The following ZNF141 variants were observed in gnomAD, a reference collection of about 807,000 sequenced individuals.
The protein encoded by ZNF141 is zinc finger protein 141, also known as zinc finger protein 141 (clone pHZ-44).
In ZNF141, 7 loss-of-function variants were observed where a neutral mutation model predicts 11.3. The observed-to-expected ratio is 0.62, with a 90% CI of 0.35 to 1.16. The LOEUF is 1.16. ZNF141 is among the 50% of genes most tolerant of loss of function. ZNF141 has a pLI of 0.02. For synonymous variants in ZNF141, 183 were observed against 190.7 expected (o/e 0.96, Z 0.33); for missense variants, 535 against 554.0 (o/e 0.97, Z 0.34).
At chr4:371,381 G>A (rs1396339263) in intron 3 of ZNF141, among the ~76,000 whole-genome samples, 7 of 150,146 alleles carry the variant, frequency 4.7e-5, no homozygotes, top group Admixed American at 4.6e-4. Context: ...ACAGGCATGG[G>A]CCACCATGCC....
Position 383,763 on chromosome 4 carries a change from G to C in ZNF141, c.*9901G>C, listed in dbSNP as rs1712768981. On this transcript the variant is annotated 3_prime_UTR_variant, in exon 4 of 4. Transcript: ENST00000240499. ...TGGCCGTGGGCCAAGCACAGGCCAT[G>C]CCTTCATCTGCATAGGGTACCAATT... 1 of 152,448 alleles carries C rather than the reference G, an allele frequency of 6.6e-6. No homozygotes were observed. Among genetic ancestry groups the C allele is most frequent in the Non-Finnish European group, 1.5e-5 (1 of 68,224 alleles). 9.4% of individuals were successfully genotyped at this position (152,448 alleles called of 1,614,324 possible).
intron 3 of ZNF141, among the ~76,000 whole-genome samples, chr4:347,145 C>T (rs1197276480): frequency 4.0e-5 from 6 of 149,422 alleles, no homozygotes; most frequent in Non-Finnish European, 5.9e-5. Flanking sequence ...TCAAGCAATT[C>T]TCCTGCCTCA....
rs1712550357 is a variant in ZNF141, at chr4:380,242, C to T, written c.*6380C>T. On this transcript the variant is annotated 3_prime_UTR_variant, in exon 4 of 4. Coordinates refer to ENST00000240499, the MANE Select transcript of ZNF141 (RefSeq NM_003441.4). ...ATACATTCATTTCTTGGTTGAAAAACTCACGTGATGAGAAGATATTTCTGT... is the reference window on the plus strand; with the variant it reads ...ATACATTCATTTCTTGGTTGAAAAATTCACGTGATGAGAAGATATTTCTGT... 6.6e-6 allele frequency among the ~76,000 whole-genome samples: 1 copy of T among 152,186 alleles called. No individual in the cohort carries two copies. Among genetic ancestry groups the T allele is most frequent in the African/African-American group, 2.4e-5 (1 of 41,444 alleles).
chr4:342,726 A>C, intron 1 of ZNF141: 1 of 1,197,282 alleles, frequency 8.4e-7, no homozygotes, highest in South Asian at 1.2e-5. Flanking sequence ...GATCCTGTCC[A>C]TTGTTCTGGG....
chr4:353,485 CAG>C (rs1553850811), intron 3 of ZNF141, among the ~76,000 whole-genome samples: 1 of 140,020 alleles, frequency 7.1e-6, no homozygotes, highest in African/African-American at 2.7e-5. Flanking sequence ...TTTTTGGAGA[CAG>C]AGTCTCACTC....
chr4:380,786 A>T lies in ZNF141; in HGVS notation c.*6924A>T, dbSNP rs1481995852. On this transcript the variant is annotated 3_prime_UTR_variant, in exon 4 of 4. Transcript: ENST00000240499. ...AACACAGGCAACTTTGACTCTAGAG[A>T]TAACACTTATTACAGTAAAATCCCT... 6.6e-6 allele frequency among the ~76,000 whole-genome samples: 1 copy of T among 152,214 alleles called. No homozygotes were observed. Among genetic ancestry groups the T allele is most frequent in the African/African-American group, 2.4e-5 (1 of 41,460 alleles).
Position 384,291 on chromosome 4 carries a change from C to G in ZNF141, c.*10429C>G, listed in dbSNP as rs1419364234. The G allele has an allele frequency of 2.0e-5, 3 of 152,192 alleles. No homozygotes were observed. The highest frequency in any genetic ancestry group is 7.2e-5 in the African/African-American group (3 of 41,432). 9.4% of individuals were successfully genotyped at this position (152,192 alleles called of 1,614,324 possible). On this transcript the variant is annotated 3_prime_UTR_variant, in exon 4 of 4. Coordinates refer to ENST00000240499, the MANE Select transcript of ZNF141 (RefSeq NM_003441.4). Reference sequence around the variant, plus strand: ...ACATGGTGCTCTCTCTTCCTGTGGACCCATCATTCCTTGTTTACCATCTGA... The same window carrying G: ...ACATGGTGCTCTCTCTTCCTGTGGAGCCATCATTCCTTGTTTACCATCTGA...
chr4:372,893 A>G lies in ZNF141; in HGVS notation c.456A>G (p.Lys152=), dbSNP rs782024328. 5.0e-6 allele frequency: 8 copies of G among 1,613,638 alleles called. No individual in the cohort carries two copies. In the South Asian group the frequency reaches 6.6e-5, roughly 13 times the overall value. Residue 152 remains lysine, a synonymous_variant, in exon 4 of 4, where the codon AAA becomes AAG. Transcript: ENST00000240499. Reference sequence around the variant, plus strand: ...TACTTCAGTGTAAAGCAAGTGTCAAAGTTGTTAGTAAATTTTCAAATTCAA... The same window carrying G: ...TACTTCAGTGTAAAGCAAGTGTCAAGGTTGTTAGTAAATTTTCAAATTCAA... ...SKILQCKASV[K]VVSKFSNSNK...
chr4:373,917 T>G lies in ZNF141; in HGVS notation c.*55T>G. The G allele has an allele frequency of 1.4e-6, 2 of 1,449,494 alleles. No individual in the cohort carries two copies. Among genetic ancestry groups the G allele is most frequent in the Non-Finnish European group, 9.4e-7 (1 of 1,064,424 alleles). The allele number at this position is 1,449,494 out of a possible 1,614,324, so 89.8% of individuals were successfully genotyped here. ...CAAACCTTTGGATGATCCACAAACC[T>G]TAATGAACATGAGAAAATTTATACT... On this transcript the variant is annotated 3_prime_UTR_variant, in exon 4 of 4. Coordinates refer to ENST00000240499, the MANE Select transcript of ZNF141 (RefSeq NM_003441.4).
chr4:337,851 G>C lies in ZNF141; in HGVS notation c.-133G>C. 1 of 1,240,928 alleles carries C rather than the reference G, an allele frequency of 8.1e-7. No individual in the cohort carries two copies. Among genetic ancestry groups the C allele is most frequent in the Non-Finnish European group, 1.2e-6 (1 of 858,136 alleles). 76.9% of individuals were successfully genotyped at this position (1,240,928 alleles called of 1,614,324 possible). On this transcript the variant is annotated 5_prime_UTR_variant, in exon 1 of 4. Coordinates refer to ENST00000240499, the MANE Select transcript of ZNF141 (RefSeq NM_003441.4). Reference sequence around the variant, plus strand: ...GGCTACTACCAGACCGCGGGTTAGGGGCTTCATCTCTCTGCGTTCTCAGTT... The same window carrying C: ...GGCTACTACCAGACCGCGGGTTAGGCGCTTCATCTCTCTGCGTTCTCAGTT...
In ZNF141 at chr4:373,746, C is replaced by T. The variant is rs1553854117; in HGVS notation, c.1309C>T (p.Leu437Phe). Reference sequence around the variant, plus strand: ...TGACAAAGCCTTTAAACAATTTTCGCTCCTGAGTCAACATAAGAAAATTCA... The same window carrying T: ...TGACAAAGCCTTTAAACAATTTTCGTTCCTGAGTCAACATAAGAAAATTCA... ...ECDKAFKQFS[L>F]LSQHKKIHTV... The change falls in exon 4 of 4, where the codon CTC (leucine) becomes TTC (phenylalanine). Residue 437 changes from leucine to phenylalanine, a missense_variant. Coordinates refer to ENST00000240499, the MANE Select transcript of ZNF141 (RefSeq NM_003441.4). 5.6e-6 allele frequency: 9 copies of T among 1,614,040 alleles called. No homozygotes were observed. Among genetic ancestry groups the T allele is most frequent in the East Asian group, 2.2e-5 (1 of 44,872 alleles).
chr4:354,052 C>CTTTCT (rs549849458), intron 3 of ZNF141, among the ~76,000 whole-genome samples: 42 of 152,270 alleles, frequency 2.8e-4, no homozygotes, highest in East Asian at 2.3e-3. Flanking sequence ...CTCATGGGCT[C>CTTTCT]TTTCTACCTG....
At chr4:366,096 A>G (rs1386551152) in intron 3 of ZNF141, among the ~76,000 whole-genome samples, 1 of 152,002 alleles carries the variant, frequency 6.6e-6, no homozygotes, top group Non-Finnish European at 1.5e-5. Context: ...TTTGCCCAGG[A>G]TTACCTTTGC....
intron 3 of ZNF141, among the ~76,000 whole-genome samples, chr4:357,028 G>C (rs989990441): frequency 1.3e-5 from 2 of 152,038 alleles, no homozygotes; most frequent in South Asian, 2.1e-4. Flanking sequence ...ATTCACAGTT[G>C]AGTGCAGCCT....
chr4:345,692 C>T (rs1164870919), intron 3 of ZNF141, among the ~76,000 whole-genome samples: 1 of 145,672 alleles, frequency 6.9e-6, no homozygotes. Flanking sequence ...TTTGCCATTG[C>T]ACTCCAGCCT....
At chr4:347,908 G>C (rs557289797) in intron 3 of ZNF141, among the ~76,000 whole-genome samples, 2 of 151,066 alleles carry the variant, frequency 1.3e-5, no homozygotes, top group South Asian at 4.2e-4. Context: ...GCAGTGGCAC[G>C]ATCTTTGCTC....
At chr4:339,151 C>T (rs1478369181) in intron 1 of ZNF141, among the ~76,000 whole-genome samples, 7 of 152,230 alleles carry the variant, frequency 4.6e-5, no homozygotes, top group African/African-American at 1.7e-4. Flanking sequence ...GAATTGTGCC[C>T]ATGGCAGCTT....
chr4:355,310 A>G (rs1271345899), intron 3 of ZNF141, among the ~76,000 whole-genome samples: 1 of 151,684 alleles, frequency 6.6e-6, no homozygotes, highest in East Asian at 1.9e-4. Flanking sequence ...GGTTCAAGCA[A>G]TTCACCTGCC....
At position 346,894 on chromosome 4, in the gene ZNF141, C is replaced by CACACACACA. The variant is rs1553849669; in HGVS notation, c.226+2464_226+2465insACACACACA. Among the ~76,000 whole-genome samples, 6 of 81,472 alleles carry CACACACACA rather than the reference C, an allele frequency of 7.4e-5. No homozygotes were observed. The South Asian group carries it at 1.8e-3, about 25-fold the overall frequency. The allele number at this position is 81,472 out of a possible 152,430, so 53.4% of individuals were successfully genotyped here. A position where few individuals can be genotyped will look rare whatever the true frequency, so the allele number is the denominator to read the frequency against. On this transcript the variant is annotated intron_variant, in intron 3 of 3. Transcript: ENST00000240499. ...ATATATGTATACACACACACACACA[C>CACACACACA]CGCCCCCCCCATATATTGGCTACTG...
Sources: allele counts gnomAD v4.1 joint callset (sites outside exome capture counted in the v4.1 genomes callset), GRCh38; gene constraint gnomAD v4.1.1; transcripts MANE v1.5; gene names NCBI Gene and HGNC (gene_info 2026-07-23, HGNC 2026-07-21).